CELF2: variants seen among roughly 807,000 people sequenced by gnomAD.
CELF2 encodes CUGBP Elav-like family member 2.
A neutral mutation model predicts 62.6 loss-of-function variants in CELF2; 8 were observed. The observed-to-expected ratio is 0.13, with a 90% CI of 0.07 to 0.23. The LOEUF (loss-of-function observed/expected upper bound fraction) is 0.23, where lower values mean the gene tolerates loss of function less well. CELF2 is among the 10% of genes least tolerant of loss of function. The pLI, the probability that CELF2 is intolerant of heterozygous loss-of-function variation, is 1.00. For missense variants in CELF2, 333 were observed against 671.0 expected (o/e 0.50, Z 5.56); for synonymous variants, 258 against 250.0 (o/e 1.03, Z -0.30).
At chr10:11,132,657 G>A (rs1009490129) in intron 1 of CELF2, among the ~76,000 whole-genome samples, 15 of 152,134 alleles carry the variant, frequency 9.9e-5, no homozygotes, top group African/African-American at 3.6e-4. Context: ...AATGCAGTCT[G>A]ACAGCAGCAA....
chr10:10,962,431 T>C (rs1189650154), intron 2 of CELF2, among the ~76,000 whole-genome samples: 2 of 152,140 alleles, frequency 1.3e-5, no homozygotes, highest in Non-Finnish European at 2.9e-5. Context: ...TAACGAGAAA[T>C]TTCCTCTTCA....
At chr10:10,769,342 A>G in the CELF2 span, among the ~76,000 whole-genome samples, 15 of 152,222 alleles carry the variant, frequency 9.9e-5, no homozygotes, top group Non-Finnish European at 2.2e-4. Context: ...CACCTGATCA[A>G]GGGACAGGGG....
chr10:11,159,077 A>C lies in CELF2; in HGVS notation c.75-6409A>C, dbSNP rs558628362. Among the ~76,000 whole-genome samples, 10 of 152,244 alleles carry C rather than the reference A, an allele frequency of 6.6e-5. No homozygotes were observed. In the East Asian group the frequency reaches 1.4e-3, roughly 21 times the overall value. On this transcript the variant is annotated intron_variant, in intron 1 of 12. Transcript: ENST00000633077. The surrounding 1 kb of genome is among the most constrained non-coding windows in gnomAD (Gnocchi z 5.0). Reference sequence around the variant, plus strand: ...ATGTTTAGGGTATTTGCTCTGGTCAATTTTCCATGTGGATTCACTAGCTGA... The same window carrying C: ...ATGTTTAGGGTATTTGCTCTGGTCACTTTTCCATGTGGATTCACTAGCTGA...
chr10:11,212,673 G>A (rs1207591517), intron 2 of CELF2, among the ~76,000 whole-genome samples: 2 of 151,946 alleles, frequency 1.3e-5, no homozygotes, highest in African/African-American at 4.8e-5. Context: ...GTCCTGGTGA[G>A]GAGTCGTGGG....
the CELF2 span, among the ~76,000 whole-genome samples, chr10:10,719,570 T>C: frequency 6.6e-6 from 1 of 152,264 alleles, no homozygotes; most frequent in Admixed American, 6.5e-5. Context: ...ACCCAGCCTA[T>C]ATTGATTGCT....
the CELF2 span, among the ~76,000 whole-genome samples, chr10:10,773,013 G>C: frequency 1.3e-5 from 2 of 152,182 alleles, no homozygotes; most frequent in Non-Finnish European, 2.9e-5. Flanking sequence ...GATGTATATT[G>C]TCACATTTGA....
the CELF2 span, among the ~76,000 whole-genome samples, chr10:10,489,350 G>C: frequency 6.6e-6 from 1 of 152,178 alleles, no homozygotes; most frequent in African/African-American, 2.4e-5. Flanking sequence ...AACAGTGCTG[G>C]TACATTTGTA....
chr10:10,592,602 G>A, the CELF2 span, among the ~76,000 whole-genome samples: 10 of 152,220 alleles, frequency 6.6e-5, no homozygotes, highest in East Asian at 1.7e-3. Context: ...TATAAGATAA[G>A]ACAAATACAC....
chr10:11,327,206 G>T (rs1228990370), intron 12 of CELF2, among the ~76,000 whole-genome samples: 6 of 132,862 alleles, frequency 4.5e-5, no homozygotes, highest in East Asian at 2.3e-4. Context: ...GGGGCGGGGG[G>T]GTGTGTCTGA....
chr10:10,644,493 T>C, the CELF2 span, among the ~76,000 whole-genome samples: 1 of 152,030 alleles, frequency 6.6e-6, no homozygotes, highest in African/African-American at 2.4e-5. Context: ...GGTCTGGTTT[T>C]CACCGCAGTT....
chr10:11,240,514 T>C (rs1174168733), intron 3 of CELF2, among the ~76,000 whole-genome samples: 5 of 152,280 alleles, frequency 3.3e-5, no homozygotes, highest in South Asian at 2.1e-4. Flanking sequence ...TGTGTGAGTT[T>C]TGAACCTCTG....
chr10:10,708,346 A>C, the CELF2 span, among the ~76,000 whole-genome samples: 1 of 152,216 alleles, frequency 6.6e-6, no homozygotes, highest in Non-Finnish European at 1.5e-5. Context: ...CCTGTAGTTC[A>C]TGAGATTCCA....
chr10:11,228,718 CAAAAAAAAAA>C (rs56167230), intron 3 of CELF2, among the ~76,000 whole-genome samples: 5 of 135,162 alleles, frequency 3.7e-5, no homozygotes, highest in South Asian at 2.3e-4. Context: ...GCGCCCCTCG[CAAAAAAAAAA>C]AAAAAAAAAA....
chr10:11,327,481 G>A (rs924144352), intron 12 of CELF2, among the ~76,000 whole-genome samples: 1 of 152,116 alleles, frequency 6.6e-6, no homozygotes, highest in African/African-American at 2.4e-5. Context: ...TTTGTGGAAC[G>A]CTATAGCACC....
At chr10:11,213,458 T>C (rs1413432629) in intron 2 of CELF2, among the ~76,000 whole-genome samples, 1 of 152,152 alleles carries the variant, frequency 6.6e-6, no homozygotes, top group African/African-American at 2.4e-5. Flanking sequence ...AGAAAGAAAA[T>C]TTCATCCTTG....
At chr10:10,561,663 A>T in the CELF2 span, among the ~76,000 whole-genome samples, 1 of 152,166 alleles carries the variant, frequency 6.6e-6, no homozygotes, top group Non-Finnish European at 1.5e-5. Flanking sequence ...AGGTGGCATT[A>T]TGGCCACTCA....
At position 10,931,869 on chromosome 10, in the gene CELF2, G is replaced by A. The variant is rs772212285; in HGVS notation, c.89+11870G>A. 1.1e-4 allele frequency among the ~76,000 whole-genome samples: 17 copies of A among 152,194 alleles called. No individual in the cohort carries two copies. The highest frequency in any genetic ancestry group is 2.4e-4 in the Non-Finnish European group (16 of 68,044). ...TGGCTAGGGAGGCCTCACAACCATG[G>A]CAGAAGGTGAATGAGGATCAAAGTC... On this transcript the variant is annotated intron_variant, in intron 2 of 13. Transcript: ENST00000636488. The surrounding 1 kb of genome is among the most constrained non-coding windows in gnomAD (Gnocchi z 6.1).
rs2082743691 is a variant in CELF2, at chr10:11,268,393, C to T, written c.618+1716C>T. Among the ~76,000 whole-genome samples the T allele has an allele frequency of 1.3e-5, 2 of 152,162 alleles. No homozygotes were observed. Among genetic ancestry groups the T allele is most frequent in the Admixed American group, 6.5e-5 (1 of 15,280 alleles). ...TGTTAGAAACATTACGATCCCCATT[C>T]CTTCCCTTGGAGCCCCCCCAGTAAT... On this transcript the variant is annotated intron_variant, in intron 6 of 12. Transcript: ENST00000633077. The surrounding 1 kb of genome is among the most constrained non-coding windows in gnomAD (Gnocchi z 4.7).
chr10:11,198,339 A>G (rs768214004), intron 2 of CELF2, among the ~76,000 whole-genome samples: 1 of 152,166 alleles, frequency 6.6e-6, no homozygotes, highest in African/African-American at 2.4e-5. Flanking sequence ...GGGTAGTTCT[A>G]TTTTGTTATC....
Sources: allele counts gnomAD v4.1 joint callset (sites outside exome capture counted in the v4.1 genomes callset), GRCh38; gene constraint gnomAD v4.1.1; non-coding constraint Gnocchi (gnomAD v3.1); transcripts MANE v1.5; gene names NCBI Gene and HGNC (gene_info 2026-07-23, HGNC 2026-07-21).